Variants in PPP1R13B observed in about 807,000 individuals in gnomAD.
PPP1R13B encodes the protein apoptosis-stimulating of p53 protein 1.
A neutral mutation model predicts 119.8 loss-of-function variants in PPP1R13B; 44 were observed. That is an observed-to-expected ratio of 0.37 (90% CI 0.29 to 0.47). The LOEUF (loss-of-function observed/expected upper bound fraction) is 0.47. PPP1R13B is among the 20% of genes least tolerant of loss of function. The pLI is 0.99. For synonymous variants in PPP1R13B, 542 were observed against 561.5 expected, an observed-to-expected ratio of 0.97 and a Z score of 0.49; for missense variants, 1,227 against 1,413.5, an observed-to-expected ratio of 0.87 and a Z score of 2.12.
At chr14:103,770,018 A>G (rs2085029499) in intron 4 of PPP1R13B, among the ~76,000 whole-genome samples, 1 of 152,122 alleles carries the variant, frequency 6.6e-6, no homozygotes, top group South Asian at 2.1e-4. Context: ...CCCCTGCAAT[A>G]GTACTACAAC....
At chr14:103,773,663 C>G (rs922658016) in intron 4 of PPP1R13B, among the ~76,000 whole-genome samples, 1 of 152,168 alleles carries the variant, frequency 6.6e-6, no homozygotes, top group African/African-American at 2.4e-5. Flanking sequence ...ACTGGATAAA[C>G]ACTCCAGTTA....
intron 1 of PPP1R13B, among the ~76,000 whole-genome samples, chr14:103,812,267 G>T (rs1027946911): frequency 4.0e-5 from 6 of 149,348 alleles, no homozygotes; most frequent in Non-Finnish European, 7.4e-5. Context: ...GGGACTACAG[G>T]TGCCTGCCCC....
chr14:103,788,430 T>A (rs1404841249), intron 2 of PPP1R13B, among the ~76,000 whole-genome samples: 1 of 152,216 alleles, frequency 6.6e-6, no homozygotes, highest in African/African-American at 2.4e-5. Flanking sequence ...ATTGTAATTT[T>A]AGTGTAATTT....
chr14:103,804,070 G>C (rs2085963121), intron 1 of PPP1R13B: 1 of 984,402 alleles, frequency 1.0e-6, no homozygotes, highest in Non-Finnish European at 1.2e-6. Flanking sequence ...AATCATCTAA[G>C]TGTGTCTTAA....
chr14:103,765,615 C>T (rs1287243681), intron 4 of PPP1R13B, among the ~76,000 whole-genome samples: 3 of 152,152 alleles, frequency 2.0e-5, no homozygotes, highest in Admixed American at 1.3e-4. Flanking sequence ...CTTGCCACTC[C>T]GTTCTAGAAC....
intron 2 of PPP1R13B, among the ~76,000 whole-genome samples, chr14:103,791,656 G>A (rs1432183341): frequency 6.6e-6 from 1 of 152,154 alleles, no homozygotes. Flanking sequence ...CCCACGAGGT[G>A]GAGGTTGTAG....
At position 103,738,789 on chromosome 14, in the gene PPP1R13B, G is replaced by C. The variant is rs374338383; in HGVS notation, c.2754C>G (p.Asn918Lys). The change falls in exon 14 of 17, where the codon AAC becomes AAG. Residue 918 changes from asparagine (N) to lysine (K), a missense_variant. By Grantham distance (94) the Asn-to-Lys change is moderately conservative. Transcript: ENST00000202556. This position sits in a 1 kb window ranked among gnomAD's most constrained non-coding sequence, Gnocchi z 5.6. ...IYEVEDPSKP[N>K]DEGITPLHNA... ...TGTGCAGTGGGGTGATCCCTTCGTC[G>C]TTGGGCTTGCTGGGATCTTCCACCT... 6.2e-7 allele frequency: 1 copy of C among 1,614,172 alleles called. No individual in the cohort carries two copies. Among genetic ancestry groups the C allele is most frequent in the African/African-American group, 1.3e-5 (1 of 75,046 alleles).
At chr14:103,810,285 G>A (rs2086119988) in intron 1 of PPP1R13B, among the ~76,000 whole-genome samples, 1 of 151,954 alleles carries the variant, frequency 6.6e-6, no homozygotes, top group Admixed American at 6.6e-5. Flanking sequence ...AGCCCGACGT[G>A]GTGGCACATG....
upstream of PPP1R13B, among the ~76,000 whole-genome samples, chr14:103,847,956 G>C (rs1415412148): frequency 6.6e-6 from 1 of 151,672 alleles, no homozygotes; most frequent in African/African-American, 2.4e-5. Flanking sequence ...ACTGTGGGCC[G>C]GGAGCGTCCC....
Position 103,737,681 on chromosome 14 carries a change from C to A in PPP1R13B, c.3031+13G>T. ...AGACAGCACCACTGTGGCCCCAGGC[C>A]TCCCCTGCGTACCATATAGAAACTG... On this transcript the variant is annotated intron_variant, in intron 15 of 16. Transcript: ENST00000202556. The A allele has an allele frequency of 6.2e-7, 1 of 1,612,726 alleles. No individual in the cohort carries two copies. The highest frequency in any genetic ancestry group is 1.1e-5 in the South Asian group (1 of 90,880).
At chr14:103,798,062 G>A (rs1287180301) in intron 1 of PPP1R13B, among the ~76,000 whole-genome samples, 4 of 151,504 alleles carry the variant, frequency 2.6e-5, no homozygotes, top group African/African-American at 9.7e-5. Flanking sequence ...TTATAGCTTT[G>A]GAATAAAGGT....
intron 1 of PPP1R13B, among the ~76,000 whole-genome samples, chr14:103,825,657 A>G (rs1014594272): frequency 1.3e-5 from 2 of 152,178 alleles, no homozygotes; most frequent in Admixed American, 1.3e-4. Flanking sequence ...GCTGCAAAAG[A>G]AAGTTGGAAG....
At chr14:103,810,040 G>A (rs2086112597) in intron 1 of PPP1R13B, among the ~76,000 whole-genome samples, 1 of 149,734 alleles carries the variant, frequency 6.7e-6, no homozygotes, top group Non-Finnish European at 1.5e-5. Flanking sequence ...TTGGCCAGAT[G>A]GTCTTGATCT....
At chr14:103,802,860 T>C (rs2085933242) in intron 1 of PPP1R13B, among the ~76,000 whole-genome samples, 1 of 152,186 alleles carries the variant, frequency 6.6e-6, no homozygotes, top group South Asian at 2.1e-4. Flanking sequence ...CACTAAACAT[T>C]ATTTCAATTT....
chr14:103,846,167 G>A (rs532860951), intron 1 of PPP1R13B, among the ~76,000 whole-genome samples: 1 of 152,250 alleles, frequency 6.6e-6, no homozygotes, highest in South Asian at 2.1e-4. Flanking sequence ...CAACAAGTCT[G>A]ATGCTAAAGA....
intron 1 of PPP1R13B, among the ~76,000 whole-genome samples, chr14:103,814,226 A>G (rs1567144263): frequency 6.6e-6 from 1 of 152,068 alleles, no homozygotes; most frequent in Admixed American, 6.6e-5. Context: ...GCACATGCCT[A>G]TAATCCCAGC....
chr14:103,734,540 T>C lies in PPP1R13B; in HGVS notation c.*614A>G, dbSNP rs1483762445. ...GGCAGTCCAGCCACAGTGCTGGGCC[T>C]GCACAATCAGCCTTTAGGTGAACTG... On this transcript the variant is annotated 3_prime_UTR_variant, in exon 17 of 17. Transcript: ENST00000202556. 2.2e-6 allele frequency: 1 copy of C among 456,398 alleles called. No homozygotes were observed. The highest frequency in any genetic ancestry group is 4.4e-6 in the Non-Finnish European group (1 of 226,804). 28.3% of individuals were successfully genotyped at this position (456,398 alleles called of 1,614,324 possible). A position where few individuals can be genotyped will look rare whatever the true frequency, so the allele number is the denominator to read the frequency against.
At chr14:103,846,517 G>A (rs975198598) in intron 1 of PPP1R13B, among the ~76,000 whole-genome samples, 2 of 152,122 alleles carry the variant, frequency 1.3e-5, no homozygotes, top group Non-Finnish European at 2.9e-5. Context: ...CTCCAACTGG[G>A]TACAACCAGT....
chr14:103,797,380 T>A lies in PPP1R13B; in HGVS notation c.148A>T (p.Arg50Trp), dbSNP rs1392695984. 6.2e-6 allele frequency: 10 copies of A among 1,613,844 alleles called. No homozygotes were observed. The highest frequency in any genetic ancestry group is 6.8e-6 in the Non-Finnish European group (8 of 1,179,952). The change falls in exon 2 of 17, where the codon AGG (arginine) becomes TGG (tryptophan). Residue 50 changes from arginine to tryptophan, a missense_variant. Coordinates refer to ENST00000202556, the MANE Select transcript of PPP1R13B (RefSeq NM_015316.3). The part of the protein sequence containing the change: ...EGSCHLAEVW[R>W]GNERPIPFDH... ...AGGACCTAATACATACCATTTCCCC[T>A]CCACACTTCAGCTAAATGGCAGCTG...
Sources: gnomAD v4.1 joint callset for allele counts (sites outside exome capture counted in the v4.1 genomes callset) on GRCh38, gnomAD v4.1.1 for gene constraint, Gnocchi (gnomAD v3.1) non-coding constraint, MANE v1.5 for transcripts, NCBI Gene and HGNC (gene_info 2026-07-23, HGNC 2026-07-21) for gene names.